Variants in MKRN2OS observed in about 807,000 individuals in gnomAD.
The protein encoded by MKRN2OS is MKRN2 opposite strand, also known as MKRN2 opposite strand protein.
A neutral mutation model predicts 18.2 loss-of-function variants in MKRN2OS; 17 were observed. That is an observed-to-expected ratio of 0.93 (90% confidence interval 0.64 to 1.40). The LOEUF is 1.40. Among genes scored for constraint, MKRN2OS ranks in the 40% most tolerant of loss-of-function variants. The probability of loss-of-function intolerance (pLI) is 0.00; values close to 1 mark genes in which losing one functional copy is unlikely to be tolerated. For missense variants in MKRN2OS, 337 were observed against 283.0 expected (o/e 1.19, Z -1.37); for synonymous variants, 121 against 108.5 (o/e 1.12, Z -0.72).
upstream of MKRN2OS, chr3:12,545,534 A>G (rs938977627): frequency 2.5e-6 from 3 of 1,190,448 alleles, no homozygotes; most frequent in East Asian, 7.8e-5. Flanking sequence ...CACCTGGCGA[A>G]TGCACACCGC....
downstream of MKRN2OS, among the ~76,000 whole-genome samples, chr3:12,551,435 TGGTG>T (rs2057928874): frequency 6.6e-6 from 1 of 150,764 alleles, no homozygotes; most frequent in Non-Finnish European, 1.5e-5. Flanking sequence ...GCGAAGGCTG[TGGTG>T]AGCCAAGATT....
rs560864131 is a variant in MKRN2OS at position 12,541,862 on chromosome 3, G to A, written c.429C>T (p.His143=). Residue 143 remains histidine, a splice_region_variant and synonymous_variant, in exon 3 of 4, where the codon CAC becomes CAT. Coordinates refer to ENST00000564146, the MANE Select transcript of MKRN2OS (RefSeq NM_001195279.2). ...DFSTSGAWLP[H]RYEDNHHNCY... The stretch of plus-strand genomic sequence containing the variant: ...GGGCAGCATTTGCAGTCGTGTACCT[G>A]TGAGGCAGCCAGGCCCCCGAGGTGG... 29 of 1,535,400 alleles carry A rather than the reference G, an allele frequency of 1.9e-5. No homozygotes were observed. The East Asian group carries it at 5.6e-4, about 30-fold the overall frequency.
chr3:12,541,722 T>C, intron 3 of MKRN2OS, 138 bp downstream of exon 3: 1 of 935,198 alleles, frequency 1.1e-6, no homozygotes, highest in African/African-American at 1.7e-5. Context: ...TTAAATTCTG[T>C]TAGAGATGCT....
chr3:12,549,153 C>T (rs1294994405), upstream of MKRN2OS, among the ~76,000 whole-genome samples: 1 of 152,138 alleles, frequency 6.6e-6, no homozygotes, highest in African/African-American at 2.4e-5. Context: ...TAGAGTTGGC[C>T]AGGCTGGTCT....
downstream of MKRN2OS, among the ~76,000 whole-genome samples, chr3:12,551,388 G>A (rs527270468): frequency 6.6e-5 from 10 of 151,920 alleles, no homozygotes; most frequent in South Asian, 8.3e-4. Context: ...CCAGCTACTC[G>A]GGAGGCTGAG....
upstream of MKRN2OS, among the ~76,000 whole-genome samples, chr3:12,548,460 A>AC (rs2057903470): frequency 9.4e-5 from 4 of 42,644 alleles, no homozygotes; most frequent in African/African-American, 3.2e-4. Flanking sequence ...AAAAAAAAAA[A>AC]AAAAAAAAAA....
rs372619122 is a variant in MKRN2OS at position 12,542,543 on chromosome 3, G to T, written c.269-521C>A. Among the ~76,000 whole-genome samples the T allele has an allele frequency of 3.0e-4, 46 of 152,046 alleles. 2 individuals carry two copies. The South Asian group carries it at 8.1e-3, about 27-fold the overall frequency. ...GCTGTTATTAGACTTCACCTGTGAG[G>T]CCTGGGTAGGTGCCTCACCTGCCTC... is the stretch of plus-strand genomic sequence containing the variant. On this transcript the variant is annotated intron_variant, in intron 2 of 3. Transcript: ENST00000564146.
Position 12,541,911 on chromosome 3 carries a change from C to A in MKRN2OS, c.380G>T (p.Trp127Leu). The change falls in exon 3 of 4, where the codon TGG (tryptophan) becomes TTG (leucine). Residue 127 changes from tryptophan (W) to leucine (L), a missense_variant. Coordinates refer to ENST00000564146, the MANE Select transcript of MKRN2OS (RefSeq NM_001195279.2). ...GGAGAAGTCTTCCAGGTACTTGTCCCATTGCTCCATCATTCCATACATGTT... is the reference window on the plus strand; with the variant it reads ...GGAGAAGTCTTCCAGGTACTTGTCCAATTGCTCCATCATTCCATACATGTT... The part of the protein sequence containing the change: ...QPNMYGMMEQ[W>L]DKYLEDFSTS... 6.5e-7 allele frequency: 1 copy of A among 1,536,070 alleles called. No individual in the cohort carries two copies. Among genetic ancestry groups the A allele is most frequent in the Non-Finnish European group, 8.7e-7 (1 of 1,146,880 alleles).
chr3:12,540,582 G>T, intron 3 of MKRN2OS, 149 bp from the exon 4 acceptor site: 1 of 915,958 alleles, frequency 1.1e-6, no homozygotes, highest in Non-Finnish European at 1.7e-6. Context: ...GCTTCAAGAT[G>T]TGCACTTCAG....
At chr3:12,541,783 T>G in intron 3 of MKRN2OS, 77 bp downstream of exon 3, 3 of 1,423,918 alleles carry the variant, frequency 2.1e-6, no homozygotes, top group Non-Finnish European at 2.8e-6. Flanking sequence ...GAGTCCTCTG[T>G]GAGCTGAGGC....
downstream of MKRN2OS, among the ~76,000 whole-genome samples, chr3:12,550,958 T>C (rs767243550): frequency 6.6e-6 from 1 of 152,212 alleles, no homozygotes; most frequent in Non-Finnish European, 1.5e-5. Flanking sequence ...GTCAAAGCTT[T>C]GGTAAAATAA....
At chr3:12,547,164 A>T (rs2057892345), upstream of MKRN2OS, among the ~76,000 whole-genome samples, 1 of 152,210 alleles carries the variant, frequency 6.6e-6, no homozygotes, top group Non-Finnish European at 1.5e-5. Flanking sequence ...TTGGAAAAAA[A>T]GTAATGCCCC....
At chr3:12,553,576 T>C (rs1024840415), downstream of MKRN2OS, among the ~76,000 whole-genome samples, 5 of 152,030 alleles carry the variant, frequency 3.3e-5, no homozygotes, top group South Asian at 2.1e-4. Context: ...AATTTTAAAG[T>C]AAAATATTAA....
chr3:12,547,027 G>C (rs137919066), upstream of MKRN2OS, among the ~76,000 whole-genome samples: 318 of 152,246 alleles, frequency 2.1e-3, no homozygotes, highest in African/African-American at 7.2e-3. Context: ...AGGAGTGCTT[G>C]AGCCTGGAAG....
chr3:12,546,575 A>ATTTTTT (rs1160434615), upstream of MKRN2OS, among the ~76,000 whole-genome samples: 8,613 of 96,902 alleles, frequency 0.089, 758 homozygotes, highest in Admixed American at 0.11. Flanking sequence ...GGTACATGGG[A>ATTTTTT]TTTTTTTTTT....
At chr3:12,549,576 C>G (rs1279140334), upstream of MKRN2OS, among the ~76,000 whole-genome samples, 1 of 152,118 alleles carries the variant, frequency 6.6e-6, no homozygotes, top group Non-Finnish European at 1.5e-5. Flanking sequence ...GAGACAGGGT[C>G]TTGCTCTGTC....
Position 12,557,199 on chromosome 3 carries a change from C to T in MKRN2OS, n.265-3065G>A, listed in dbSNP as rs752684024. 5.4e-4 allele frequency: 821 copies of T among 1,533,014 alleles called. 2 individuals are homozygous for T. Among genetic ancestry groups the T allele is most frequent in the Non-Finnish European group, 6.1e-4 (693 of 1,141,942 alleles). 95.0% of individuals were successfully genotyped at this position (1,533,014 alleles called of 1,614,324 possible). A position where few individuals can be genotyped will look rare whatever the true frequency, so the allele number is the denominator to read the frequency against. On this transcript the variant is annotated intron_variant and non_coding_transcript_variant, in intron 1 of 1. Transcript: ENST00000447550. Reference sequence around the variant, plus strand: ...CAGGTCAGTGCGCTGGAGCCAGGAGCTTCGGGCCGCTCCCCCAGGCCGCAG... The same window carrying T: ...CAGGTCAGTGCGCTGGAGCCAGGAGTTTCGGGCCGCTCCCCCAGGCCGCAG...
At chr3:12,542,922 A>G (rs1023190710) in intron 2 of MKRN2OS, among the ~76,000 whole-genome samples, 1 of 152,182 alleles carries the variant, frequency 6.6e-6, no homozygotes, top group Non-Finnish European at 1.5e-5. Flanking sequence ...TTTAAAAACC[A>G]ATAAAAAATG....
intron 3 of MKRN2OS, 122 bp downstream of exon 3, chr3:12,541,738 G>A (rs534169451): frequency 3.8e-6 from 4 of 1,041,292 alleles, no homozygotes; most frequent in East Asian, 5.3e-5. Context: ...ATGCTAATAT[G>A]TCTGTATCGG....
Sources: gnomAD v4.1 joint callset for allele counts (sites outside exome capture counted in the v4.1 genomes callset) on GRCh38, gnomAD v4.1.1 for gene constraint, MANE v1.5 for transcripts, NCBI Gene and HGNC (gene_info 2026-07-23, HGNC 2026-07-21) for gene names.